Variants in DAB1 observed in about 807,000 individuals in gnomAD.
The protein encoded by DAB1 is DAB adaptor protein 1.
DAB1 carries 15 observed loss-of-function variants against 64.6 expected under a neutral mutation model. That is an observed-to-expected ratio of 0.23 (90% CI 0.16 to 0.36). The LOEUF is 0.36. Ranked by LOEUF, DAB1 falls within the 10% of genes least tolerant of loss-of-function variation. The pLI, the probability that DAB1 is intolerant of heterozygous loss-of-function variation, is 1.00. For missense variants in DAB1, 596 were observed against 706.7 expected, an observed-to-expected ratio of 0.84 and a Z score of 1.78; for synonymous variants, 235 against 251.9, an observed-to-expected ratio of 0.93 and a Z score of 0.64.
At chr1:58,320,727 C>T (rs995354819) in intron 4 of DAB1, among the ~76,000 whole-genome samples, 1 of 152,198 alleles carries the variant, frequency 6.6e-6, no homozygotes, top group Admixed American at 6.5e-5. Flanking sequence ...GTTAGTCATA[C>T]CTGTGCCAGT....
intron 6 of DAB1, among the ~76,000 whole-genome samples, chr1:57,748,035 A>G: frequency 6.6e-6 from 1 of 152,090 alleles, no homozygotes. Context: ...AATCTATCAC[A>G]TGCCTACTAC....
chr1:57,229,498 A>T (rs1667515565), intron 2 of DAB1, among the ~76,000 whole-genome samples: 1 of 152,028 alleles, frequency 6.6e-6, no homozygotes, highest in Admixed American at 6.6e-5. Flanking sequence ...CCCGGCCTAT[A>T]ATATTTTACT....
intron 5 of DAB1, among the ~76,000 whole-genome samples, chr1:57,927,427 G>A (rs939088513): frequency 6.6e-6 from 1 of 152,054 alleles, no homozygotes; most frequent in African/African-American, 2.4e-5. Flanking sequence ...TGAGCTTCTA[G>A]GGAAATCCAA....
intron 1 of DAB1, among the ~76,000 whole-genome samples, chr1:57,355,582 A>G (rs1297393268): frequency 1.3e-5 from 2 of 151,990 alleles, no homozygotes; most frequent in African/African-American, 4.8e-5. Flanking sequence ...CAATGTTTAG[A>G]AAAGCTTCCT....
chr1:57,753,753 T>G (rs1333458582), intron 6 of DAB1, among the ~76,000 whole-genome samples: 1 of 152,192 alleles, frequency 6.6e-6, no homozygotes, highest in Non-Finnish European at 1.5e-5. Context: ...CTTTCATATT[T>G]TAGTGGTGGA....
intron 4 of DAB1, among the ~76,000 whole-genome samples, chr1:58,252,826 C>T (rs949320260): frequency 6.6e-6 from 1 of 152,142 alleles, no homozygotes; most frequent in Non-Finnish European, 1.5e-5. Context: ...TGCCTAATTC[C>T]CAGGGCCCCG....
intron 5 of DAB1, among the ~76,000 whole-genome samples, chr1:57,937,924 C>T (rs1280760431): frequency 6.6e-6 from 1 of 152,202 alleles, no homozygotes; most frequent in Non-Finnish European, 1.5e-5. Context: ...TCTTGGCCAG[C>T]TTGTTCAGTA....
intron 2 of DAB1, among the ~76,000 whole-genome samples, chr1:57,203,236 T>G (rs962541038): frequency 6.6e-6 from 1 of 152,174 alleles, no homozygotes; most frequent in Non-Finnish European, 1.5e-5. Context: ...TCATTCTTTC[T>G]CCACTAGATA....
intron 7 of DAB1, among the ~76,000 whole-genome samples, chr1:57,530,372 A>G (rs557551125): frequency 4.6e-5 from 7 of 152,304 alleles, no homozygotes; most frequent in Admixed American, 4.6e-4. Context: ...TCCAAGTTCC[A>G]TATCATTGTG....
At chr1:57,835,668 A>G (rs985866561) in intron 1 of DAB1, among the ~76,000 whole-genome samples, 2 of 152,162 alleles carry the variant, frequency 1.3e-5, no homozygotes, top group African/African-American at 4.8e-5. Context: ...AGCCTGTGCA[A>G]ACAAGGGAGA....
intron 2 of DAB1, among the ~76,000 whole-genome samples, chr1:58,514,446 A>G (rs972231267): frequency 1.3e-5 from 2 of 152,184 alleles, no homozygotes; most frequent in African/African-American, 4.8e-5. Flanking sequence ...AAAGATGAAA[A>G]GTATCTCTGA....
intron 1 of DAB1, among the ~76,000 whole-genome samples, chr1:58,537,229 C>T (rs548867336): frequency 6.6e-6 from 1 of 152,210 alleles, no homozygotes; most frequent in African/African-American, 2.4e-5. Context: ...AGTCTGACCA[C>T]TTAGCCACTT....
intron 5 of DAB1, among the ~76,000 whole-genome samples, chr1:58,008,294 G>A (rs1646616198): frequency 6.6e-6 from 1 of 152,094 alleles, no homozygotes; most frequent in Non-Finnish European, 1.5e-5. Context: ...AACAGTTAAG[G>A]TGTATGGATC....
chr1:57,832,835 G>A (rs1652649839), intron 1 of DAB1, among the ~76,000 whole-genome samples: 1 of 152,132 alleles, frequency 6.6e-6, no homozygotes, highest in South Asian at 2.1e-4. Flanking sequence ...CAGATGCCTG[G>A]GCATTTTTGT....
At chr1:57,495,937 G>T (rs908612458) in intron 7 of DAB1, among the ~76,000 whole-genome samples, 1 of 152,062 alleles carries the variant, frequency 6.6e-6, no homozygotes, top group South Asian at 2.1e-4. Context: ...GAAGTCAAAG[G>T]CATCTTCTTC....
intron 6 of DAB1, among the ~76,000 whole-genome samples, chr1:57,711,473 T>C (rs928020478): frequency 8.5e-5 from 13 of 152,206 alleles, no homozygotes; most frequent in Admixed American, 8.5e-4. Context: ...GGGATAGCAG[T>C]TGGCTCCAGG....
In DAB1 at chr1:58,137,518, T is replaced by C. The variant is rs1208132698; in HGVS notation, n.387+12993A>G. 4.6e-5 allele frequency among the ~76,000 whole-genome samples: 7 copies of C among 152,232 alleles called. 1 individual carries two copies. Among genetic ancestry groups the C allele is most frequent in the Non-Finnish European group, 4.4e-5 (3 of 68,012 alleles). On this transcript the variant is annotated intron_variant and non_coding_transcript_variant, in intron 5 of 20. Transcript: ENST00000485760. ...CTACCCTCCATCTATCCATCTTCCA[T>C]CCAACCACCCCCATCCATCCATCGG...
chr1:57,175,442 C>T (rs1350148006), intron 2 of DAB1, among the ~76,000 whole-genome samples: 1 of 151,834 alleles, frequency 6.6e-6, no homozygotes, highest in Non-Finnish European at 1.5e-5. Flanking sequence ...GGGAGCCTTC[C>T]TGCAAAGTAG....
chr1:57,189,417 G>C (rs1663914844), intron 2 of DAB1, among the ~76,000 whole-genome samples: 1 of 152,156 alleles, frequency 6.6e-6, no homozygotes, highest in Admixed American at 6.5e-5. Flanking sequence ...CCAAGGCCAA[G>C]TCGTGTTAGC....
Sources: allele counts gnomAD v4.1 joint callset (sites outside exome capture counted in the v4.1 genomes callset), GRCh38; gene constraint gnomAD v4.1.1; transcripts MANE v1.5; gene names NCBI Gene and HGNC (gene_info 2026-07-23, HGNC 2026-07-21).